JARID2: variants seen among roughly 807,000 people sequenced by gnomAD.
JARID2 encodes jumonji and AT-rich interaction domain containing 2.
A neutral mutation model predicts 125.6 loss-of-function variants in JARID2; 21 were observed. That is an observed-to-expected ratio of 0.17 (90% CI 0.12 to 0.24). The LOEUF (loss-of-function observed/expected upper bound fraction) is 0.24, where lower values mean the gene tolerates loss of function less well. JARID2 is among the 10% of genes least tolerant of loss of function. The pLI, the probability that JARID2 is intolerant of heterozygous loss-of-function variation, is 1.00. For missense variants in JARID2, 1,303 were observed against 1,639.6 expected, an observed-to-expected ratio of 0.79 and a Z score of 3.55; for synonymous variants, 736 against 661.6, an observed-to-expected ratio of 1.11 and a Z score of -1.73.
At chr6:15,381,489 T>A (rs1764587619) in intron 2 of JARID2, among the ~76,000 whole-genome samples, 1 of 152,172 alleles carries the variant, frequency 6.6e-6, no homozygotes, top group South Asian at 2.1e-4. Context: ...GCCTCCAGAC[T>A]TTTTTCTTTC....
chr6:15,247,597 T>C, intron 1 of JARID2: 1 of 984,796 alleles, frequency 1.0e-6, no homozygotes, highest in South Asian at 4.7e-5. Flanking sequence ...AAGAGGAAAG[T>C]TTATTTAAGT....
rs191255225 is a variant in JARID2 at position 15,295,182 on chromosome 6, C to T, written c.45+48598C>T. On this transcript the variant is annotated intron_variant, in intron 1 of 17. Transcript: ENST00000341776. ...TGTCGCCCAGGCTGGAGTGCAGTGA[C>T]GCCATCTTGGCTCACTGCAAGCTCC... Among the ~76,000 whole-genome samples, 422 of 144,722 alleles carry T rather than the reference C, an allele frequency of 2.9e-3. 1 individual carries two copies. Among genetic ancestry groups the T allele is most frequent in the African/African-American group, 0.01 (397 of 38,884 alleles). The allele number at this position is 144,722 out of a possible 152,430, so 94.9% of individuals were successfully genotyped here. A position where few individuals can be genotyped will look rare whatever the true frequency, so the allele number is the denominator to read the frequency against.
At chr6:15,300,763 G>GT (rs1761594665) in intron 1 of JARID2, among the ~76,000 whole-genome samples, 1 of 150,754 alleles carries the variant, frequency 6.6e-6, no homozygotes, top group Non-Finnish European at 1.5e-5. Flanking sequence ...GAGAGGAGGG[G>GT]TGGAGAAAGG....
At chr6:15,432,512 C>T (rs894963536) in intron 3 of JARID2, among the ~76,000 whole-genome samples, 4 of 152,158 alleles carry the variant, frequency 2.6e-5, no homozygotes, top group Admixed American at 2.0e-4. Flanking sequence ...TGGGAGTGGG[C>T]TCGAAGCCAG....
chr6:15,275,542 C>CCT (rs1554118168), intron 1 of JARID2, among the ~76,000 whole-genome samples: 24 of 107,326 alleles, frequency 2.2e-4, no homozygotes, highest in Non-Finnish European at 4.4e-4. Context: ...CGCCCCCCCC[C>CCT]CCGTCTTTTG....
chr6:15,265,751 A>G (rs1346632605), intron 1 of JARID2, among the ~76,000 whole-genome samples: 1 of 152,104 alleles, frequency 6.6e-6, no homozygotes, highest in Non-Finnish European at 1.5e-5. Flanking sequence ...CCCGGGCAGC[A>G]TGTTCACTTG....
chr6:15,260,234 TTTAA>T (rs1759819282), intron 1 of JARID2, among the ~76,000 whole-genome samples: 1 of 152,098 alleles, frequency 6.6e-6, no homozygotes, highest in Non-Finnish European at 1.5e-5. Flanking sequence ...AGGGTCTGGA[TTTAA>T]TAGTGAACTT....
chr6:15,392,245 A>T (rs1765047873), intron 2 of JARID2, among the ~76,000 whole-genome samples: 1 of 152,170 alleles, frequency 6.6e-6, no homozygotes, highest in Non-Finnish European at 1.5e-5. Context: ...TCGTTTGTAT[A>T]CGAAGTTTTC....
intron 1 of JARID2, among the ~76,000 whole-genome samples, chr6:15,295,056 G>T (rs1158646300): frequency 6.6e-6 from 1 of 151,714 alleles, no homozygotes; most frequent in Admixed American, 6.6e-5. Flanking sequence ...GCCTGGTATA[G>T]AACCATCTTA....
At chr6:15,333,184 G>T (rs13211366) in intron 1 of JARID2, among the ~76,000 whole-genome samples, 11,855 of 151,868 alleles carry the variant, frequency 0.078, 537 homozygotes, top group East Asian at 0.2. Context: ...CACCCGCCTC[G>T]GCCTCCCAAA....
chr6:15,326,605 A>T, intron 1 of JARID2, among the ~76,000 whole-genome samples: 1 of 152,202 alleles, frequency 6.6e-6, no homozygotes. Context: ...AGACTCAGAC[A>T]GTTCTCATGC....
intron 1 of JARID2, among the ~76,000 whole-genome samples, chr6:15,308,052 G>A (rs1173103829): frequency 6.6e-6 from 1 of 152,144 alleles, no homozygotes; most frequent in African/African-American, 2.4e-5. Flanking sequence ...GGTTGGTAAC[G>A]GTTCTTCCTC....
chr6:15,455,408 C>T (rs1768116524), intron 4 of JARID2, among the ~76,000 whole-genome samples: 1 of 152,040 alleles, frequency 6.6e-6, no homozygotes, highest in East Asian at 1.9e-4. Flanking sequence ...CATTCAACAT[C>T]CTCCTTCTGG....
At chr6:15,472,829 C>T in intron 5 of JARID2, among the ~76,000 whole-genome samples, 1 of 152,208 alleles carries the variant, frequency 6.6e-6, no homozygotes, top group South Asian at 2.1e-4. Context: ...TGGGCATGTC[C>T]CTCTGCAATT....
At chr6:15,306,328 CTTTTT>C (rs398000594) in intron 1 of JARID2, among the ~76,000 whole-genome samples, 278 of 99,260 alleles carry the variant, frequency 2.8e-3, no homozygotes, top group African/African-American at 9.3e-3. Flanking sequence ...AGTCATATTT[CTTTTT>C]TTTTTTTTTT....
At chr6:15,263,370 A>G (rs114989224) in intron 1 of JARID2, among the ~76,000 whole-genome samples, 1 of 150,592 alleles carries the variant, frequency 6.6e-6, no homozygotes, top group Non-Finnish European at 1.5e-5. Context: ...TGACCTAGAA[A>G]TTATCCCTGA....
intron 1 of JARID2, among the ~76,000 whole-genome samples, chr6:15,266,704 T>G (rs147972113): frequency 1.4e-4 from 22 of 152,364 alleles, no homozygotes; most frequent in Non-Finnish European, 3.2e-4. Context: ...TGTTTAAACA[T>G]TTTTTGGGGG....
At chr6:15,486,838 G>T (rs969475760) in intron 5 of JARID2, among the ~76,000 whole-genome samples, 2 of 102,696 alleles carry the variant, frequency 1.9e-5, no homozygotes, top group African/African-American at 1.0e-4. Context: ...ACAGAGTCTC[G>T]CTCTGACATT....
At chr6:15,425,425 G>A (rs1336667230) in intron 3 of JARID2, among the ~76,000 whole-genome samples, 1 of 152,034 alleles carries the variant, frequency 6.6e-6, no homozygotes, top group Non-Finnish European at 1.5e-5. Context: ...TTTTTGTTGC[G>A]GTGTACTGTG....
Sources: allele counts gnomAD v4.1 joint callset (sites outside exome capture counted in the v4.1 genomes callset), GRCh38; gene constraint gnomAD v4.1.1; transcripts MANE v1.5; gene names NCBI Gene and HGNC (gene_info 2026-07-23, HGNC 2026-07-21).